The following KIF13B variants were observed in gnomAD, a reference collection of about 807,000 sequenced individuals.
The protein encoded by KIF13B is kinesin family member 13B, also known as kinesin-like protein KIF13B.
Under a neutral mutation model 222.0 loss-of-function variants are expected in KIF13B, and 127 were observed. The ratio of observed to expected loss-of-function variants is 0.57; its 90% CI spans 0.50 to 0.66. The LOEUF (loss-of-function observed/expected upper bound fraction) is 0.66, where lower values mean the gene tolerates loss of function less well. Ranked by LOEUF, KIF13B falls within the 30% of genes least tolerant of loss-of-function variation. KIF13B has a pLI of 0.00. For missense variants in KIF13B, 2,173 were observed against 2,379.0 expected, an observed-to-expected ratio of 0.91 and a Z score of 1.80; for synonymous variants, 976 against 919.0, an observed-to-expected ratio of 1.06 and a Z score of -1.12.
chr8:29,253,387 G>A (rs1488290110), intron 1 of KIF13B, among the ~76,000 whole-genome samples: 2 of 151,604 alleles, frequency 1.3e-5, no homozygotes, highest in Non-Finnish European at 2.9e-5. Flanking sequence ...AACATAAAAT[G>A]TTCATACTCA....
intron 30 of KIF13B, 28 bp downstream of exon 30, chr8:29,118,840 T>G (rs762451135): frequency 6.2e-7 from 1 of 1,611,746 alleles, no homozygotes; most frequent in Admixed American, 1.7e-5. Flanking sequence ...ACTTTTCATC[T>G]GACCATCCCA....
intron 2 of KIF13B, among the ~76,000 whole-genome samples, chr8:29,244,145 C>T (rs1205487320): frequency 6.6e-6 from 1 of 152,126 alleles, no homozygotes; most frequent in East Asian, 1.9e-4. Flanking sequence ...TCCCAAGTAG[C>T]TGGGACTACA....
chr8:29,142,762 C>T (rs1030938838), intron 18 of KIF13B, among the ~76,000 whole-genome samples: 6 of 152,096 alleles, frequency 3.9e-5, no homozygotes, highest in African/African-American at 1.4e-4. Context: ...TTGCTTGAAC[C>T]CAGGAGGCAG....
intron 37 of KIF13B, among the ~76,000 whole-genome samples, chr8:29,077,849 G>C (rs566321297): frequency 6.6e-6 from 1 of 152,146 alleles, no homozygotes; most frequent in African/African-American, 2.4e-5. Flanking sequence ...CCATGCGGGG[G>C]GCGTGGCACC....
At chr8:29,240,548 C>T (rs933862900) in intron 2 of KIF13B, among the ~76,000 whole-genome samples, 2 of 152,098 alleles carry the variant, frequency 1.3e-5, no homozygotes, top group African/African-American at 2.4e-5. Flanking sequence ...TTCTTTAGAA[C>T]TTTTTGTATA....
At position 29,071,535 on chromosome 8, in the gene KIF13B, G is replaced by T; in HGVS notation, c.5218+85C>A. 13 of 1,272,528 alleles carry T rather than the reference G, an allele frequency of 1.0e-5. No individual in the cohort carries two copies. The highest frequency in any genetic ancestry group is 9.9e-6 in the Non-Finnish European group (9 of 909,844). 78.8% of individuals were successfully genotyped at this position (1,272,528 alleles called of 1,614,324 possible). A position where few individuals can be genotyped will look rare whatever the true frequency, so the allele number is the denominator to read the frequency against. ...TCCCGGCCCCTCCCTCTCCTGCCCG[G>T]ACCCTGTCCCCTCCCAGGCCGGCCA... On this transcript the variant is annotated intron_variant, in intron 39 of 39. Transcript: ENST00000524189. This position sits in a 1 kb window ranked among gnomAD's most constrained non-coding sequence, Gnocchi z 4.9.
intron 35 of KIF13B, among the ~76,000 whole-genome samples, chr8:29,102,971 G>A (rs1271125654): frequency 6.6e-6 from 1 of 152,062 alleles, no homozygotes; most frequent in Non-Finnish European, 1.5e-5. Context: ...GGCCAGGTGC[G>A]GTGGCTCACG....
intron 16 of KIF13B, among the ~76,000 whole-genome samples, 163 bp downstream of exon 16, chr8:29,148,414 A>T (rs1334821793): frequency 2.8e-5 from 4 of 140,588 alleles, no homozygotes; most frequent in Non-Finnish European, 4.6e-5. Context: ...TTTTTTTTTT[A>T]AAGAGAGAAC....
At chr8:29,211,369 G>A (rs1396842713) in intron 2 of KIF13B, among the ~76,000 whole-genome samples, 1 of 152,156 alleles carries the variant, frequency 6.6e-6, no homozygotes, top group Non-Finnish European at 1.5e-5. Flanking sequence ...AGAGTAAAAT[G>A]AGGATCCCTG....
At chr8:29,243,891 T>C (rs1346172548) in intron 2 of KIF13B, among the ~76,000 whole-genome samples, 1 of 152,236 alleles carries the variant, frequency 6.6e-6, no homozygotes, top group Middle Eastern at 3.2e-3. Flanking sequence ...ACTAATTTAT[T>C]TGATCTTTGT....
chr8:29,222,519 T>A (rs1814804338), intron 2 of KIF13B, among the ~76,000 whole-genome samples: 2 of 17,646 alleles, frequency 1.1e-4, no homozygotes, highest in Admixed American at 7.0e-4. Flanking sequence ...ACCTGACTTT[T>A]TTTTTTTTTT....
At position 29,177,503 on chromosome 8, in the gene KIF13B, C is replaced by A. The variant is rs1586885606; in HGVS notation, c.796G>T (p.Ala266Ser). 1.9e-6 allele frequency: 3 copies of A among 1,613,796 alleles called. No homozygotes were observed. Among genetic ancestry groups the A allele is most frequent in the East Asian group, 2.2e-5 (1 of 44,884 alleles). The change falls in exon 9 of 40, where the codon GCA becomes TCA. Residue 266 changes from alanine to serine, a missense_variant. By Grantham distance (99) the Ala-to-Ser change is moderately conservative. Around this residue, in one of 2 missense-constraint regions of KIF13B, gnomAD observed 1,480 missense variants for 1,722.8 expected, o/e 0.86. Transcript: ENST00000524189. ...GSERATKTGAAGDRLKEGSNI... is the reference protein window; with the variant it reads ...GSERATKTGASGDRLKEGSNI... Reference sequence around the variant, plus strand: ...CTCCCTTCCTTCAGCCTGTCCCCTGCAGCGCCTGTCTTCGTTGCTCGTTCA... The same window carrying A: ...CTCCCTTCCTTCAGCCTGTCCCCTGAAGCGCCTGTCTTCGTTGCTCGTTCA...
intron 12 of KIF13B, among the ~76,000 whole-genome samples, chr8:29,162,315 T>C (rs1319247145): frequency 5.3e-5 from 8 of 152,232 alleles, no homozygotes; most frequent in African/African-American, 1.9e-4. Flanking sequence ...TCGTAATTTA[T>C]ACAATCACTG....
intron 12 of KIF13B, among the ~76,000 whole-genome samples, chr8:29,165,193 A>C (rs1346581198): frequency 1.3e-5 from 2 of 152,192 alleles, no homozygotes. Context: ...GAAAATGGTG[A>C]GAGACAGTCA....
chr8:29,154,825 T>A (rs1431423560), intron 14 of KIF13B, among the ~76,000 whole-genome samples: 1 of 152,208 alleles, frequency 6.6e-6, no homozygotes, highest in Non-Finnish European at 1.5e-5. Flanking sequence ...CACACCAGCT[T>A]CTGCTCCTGT....
chr8:29,253,191 A>C (rs1176059512), intron 1 of KIF13B, among the ~76,000 whole-genome samples: 2 of 152,100 alleles, frequency 1.3e-5, no homozygotes, highest in Non-Finnish European at 2.9e-5. Flanking sequence ...ATTTAAAAAA[A>C]ATAATTAGCC....
intron 38 of KIF13B, among the ~76,000 whole-genome samples, chr8:29,074,760 G>C (rs1018998395): frequency 6.6e-6 from 1 of 152,240 alleles, no homozygotes; most frequent in African/African-American, 2.4e-5. Context: ...TGCCTCTGTT[G>C]CTGTTGTTTT....
chr8:29,113,914 G>T (rs138570940), intron 31 of KIF13B, among the ~76,000 whole-genome samples: 54 of 152,292 alleles, frequency 3.5e-4, no homozygotes, highest in Admixed American at 6.5e-4. Context: ...TGGAAGCAAC[G>T]ACTGGTGATG....
chr8:29,156,155 C>G (rs1004273141), intron 13 of KIF13B, among the ~76,000 whole-genome samples: 1 of 151,870 alleles, frequency 6.6e-6, no homozygotes, highest in Non-Finnish European at 1.5e-5. Context: ...ATTTTTAGTA[C>G]AGACAGGGTT....
Sources: gnomAD v4.1 joint callset for allele counts (sites outside exome capture counted in the v4.1 genomes callset) on GRCh38, gnomAD v4.1.1 for gene constraint, gnomAD v4.1.1 regional missense constraint, Gnocchi (gnomAD v3.1) non-coding constraint, MANE v1.5 for transcripts, NCBI Gene and HGNC (gene_info 2026-07-23, HGNC 2026-07-21) for gene names.